STK3: variants seen among roughly 807,000 people sequenced by gnomAD.
STK3 encodes serine/threonine kinase 3.
In STK3, 41 loss-of-function variants were observed where a neutral mutation model predicts 58.0. The ratio of observed to expected loss-of-function variants is 0.71; its 90% CI spans 0.55 to 0.92. The LOEUF is 0.92. STK3 is among the 40% of genes least tolerant of loss of function. The pLI is 0.00. For missense variants in STK3, 479 were observed against 602.7 expected (o/e 0.79, Z 2.15); for synonymous variants, 170 against 191.0 (o/e 0.89, Z 0.91).
chr8:98,564,847 T>C lies in STK3; in HGVS notation c.948+14817A>G, dbSNP rs529659474. On this transcript the variant is annotated intron_variant, in intron 8 of 10. Transcript: ENST00000419617. Reference sequence around the variant, plus strand: ...GGGTCCTAAAACACAAAAAGAACATTAGGTAAAAACTAAGTAAATCTGAAA... The same window carrying C: ...GGGTCCTAAAACACAAAAAGAACATCAGGTAAAAACTAAGTAAATCTGAAA... Among the ~76,000 whole-genome samples, 24 of 152,186 alleles carry C rather than the reference T, an allele frequency of 1.6e-4. 1 individual carries two copies. The highest frequency in any genetic ancestry group is 3.4e-3 in the Middle Eastern group (1 of 294).
At chr8:98,576,733 C>T (rs1813422044) in intron 8 of STK3, among the ~76,000 whole-genome samples, 1 of 152,130 alleles carries the variant, frequency 6.6e-6, no homozygotes, top group Non-Finnish European at 1.5e-5. Context: ...GTGGTTGATG[C>T]TGTACCCTGA....
At chr8:98,614,549 G>C (rs1014282547) in intron 6 of STK3, among the ~76,000 whole-genome samples, 2 of 152,088 alleles carry the variant, frequency 1.3e-5, no homozygotes, top group Non-Finnish European at 2.9e-5. Flanking sequence ...CTGAGGTACC[G>C]GGTTCATCTC....
At chr8:98,832,000 C>G (rs1486491770) in intron 3 of STK3, among the ~76,000 whole-genome samples, 2 of 152,064 alleles carry the variant, frequency 1.3e-5, no homozygotes, top group African/African-American at 4.8e-5. Flanking sequence ...GGAGGTGTTT[C>G]TAGGTTTGAA....
chr8:98,408,374 T>A (rs183469798), intron 3 of STK3, among the ~76,000 whole-genome samples: 158 of 152,318 alleles, frequency 1.0e-3, no homozygotes, highest in Middle Eastern at 6.8e-3. Context: ...AAAAATGCAA[T>A]GGCTAAGATT....
At chr8:98,842,865 G>A (rs1411262563) in intron 3 of STK3, among the ~76,000 whole-genome samples, 4 of 151,862 alleles carry the variant, frequency 2.6e-5, no homozygotes, top group Non-Finnish European at 5.9e-5. Flanking sequence ...AAATTAGCTA[G>A]GCATGGTCCT....
At chr8:98,365,832 T>C in the STK3 span, among the ~76,000 whole-genome samples, 1 of 152,378 alleles carries the variant, frequency 6.6e-6, no homozygotes, top group East Asian at 1.9e-4. Context: ...TTGTGTATTC[T>C]AGATCTAGCT....
At position 98,762,981 on chromosome 8, in the gene STK3, T is replaced by C. The variant is rs533957410; in HGVS notation, c.236+4262A>G. Among the ~76,000 whole-genome samples the C allele has an allele frequency of 3.3e-5, 5 of 152,320 alleles. No individual in the cohort carries two copies. The East Asian group carries it at 9.6e-4, about 29-fold the overall frequency. ...GGGCAATTCATGTAAAAGCTCTAGG[T>C]CTCATTTTCTGTATCTGCAAAATTG... On this transcript the variant is annotated intron_variant, in intron 3 of 10. Coordinates refer to ENST00000419617, the MANE Select transcript of STK3 (RefSeq NM_006281.4).
At chr8:98,899,309 A>G (rs888725882) in intron 1 of STK3, among the ~76,000 whole-genome samples, 2 of 152,164 alleles carry the variant, frequency 1.3e-5, no homozygotes, top group Admixed American at 1.3e-4. Context: ...CAAAGTGCTT[A>G]ATATTAATAG....
intron 3 of STK3, among the ~76,000 whole-genome samples, chr8:98,870,403 T>C (rs1323391820): frequency 1.3e-5 from 2 of 152,212 alleles, no homozygotes; most frequent in East Asian, 1.9e-4. Context: ...TTCTACATCC[T>C]TCAGAAATCG....
At chr8:98,541,278 G>T (rs1354064133) in intron 9 of STK3, among the ~76,000 whole-genome samples, 3 of 152,160 alleles carry the variant, frequency 2.0e-5, no homozygotes, top group Admixed American at 2.0e-4. Flanking sequence ...CACGGGGGTA[G>T]TTTCTAACGG....
intron 10 of STK3, among the ~76,000 whole-genome samples, chr8:98,504,751 A>G (rs896037233): frequency 1.1e-4 from 17 of 152,310 alleles, no homozygotes; most frequent in African/African-American, 4.1e-4. Context: ...GTTTCTGCCC[A>G]GAGTTCCACT....
chr8:98,838,341 C>A (rs1176471487), intron 3 of STK3, among the ~76,000 whole-genome samples: 1 of 152,128 alleles, frequency 6.6e-6, no homozygotes, highest in South Asian at 2.1e-4. Flanking sequence ...CTTTCAATTT[C>A]TTTTTATTCC....
intron 3 of STK3, among the ~76,000 whole-genome samples, chr8:98,833,981 A>G (rs1835647660): frequency 6.6e-6 from 1 of 152,196 alleles, no homozygotes; most frequent in Non-Finnish European, 1.5e-5. Context: ...ACTGAGAAAA[A>G]AAAAACCTTT....
chr8:98,558,008 C>T (rs1018955052), intron 8 of STK3, among the ~76,000 whole-genome samples: 3 of 152,058 alleles, frequency 2.0e-5, no homozygotes, highest in African/African-American at 7.2e-5. Context: ...CAAAAGATTA[C>T]CTTACATCTC....
intron 6 of STK3, among the ~76,000 whole-genome samples, chr8:98,680,639 T>C (rs1823563005): frequency 1.3e-5 from 2 of 152,210 alleles, no homozygotes; most frequent in South Asian, 2.1e-4. Flanking sequence ...TTGGGATCTA[T>C]ACTAGAAAGT....
chr8:98,619,279 T>C (rs1484889893), intron 6 of STK3, among the ~76,000 whole-genome samples: 1 of 151,266 alleles, frequency 6.6e-6, no homozygotes, highest in Non-Finnish European at 1.5e-5. Context: ...AAGCTGAAAC[T>C]GGATCCCTTC....
rs536191391 is a variant in STK3 at position 98,373,665 on chromosome 8, T to A, written n.112-1987A>T. Among the ~76,000 whole-genome samples, 8 of 152,318 alleles carry A rather than the reference T, an allele frequency of 5.3e-5. No individual in the cohort carries two copies. The East Asian group carries it at 1.5e-3, about 29-fold the overall frequency. On this transcript the variant is annotated intron_variant and non_coding_transcript_variant, in intron 2 of 2. Coordinates refer to the STK3 transcript ENST00000518704. ...GACCATGTCGCTTCACCATGCTGCC[T>A]CACCGCTGGAGGAAGGTGGTAGAAA...
intron 7 of STK3, among the ~76,000 whole-genome samples, chr8:98,580,477 G>C (rs2131731136): frequency 6.6e-6 from 1 of 152,278 alleles, no homozygotes; most frequent in African/African-American, 2.4e-5. Flanking sequence ...AGGGACATGA[G>C]AGAAAGTAGA....
chr8:98,639,151 C>A (rs1247095215), intron 6 of STK3, among the ~76,000 whole-genome samples: 2 of 151,156 alleles, frequency 1.3e-5, no homozygotes, highest in Non-Finnish European at 2.9e-5. Context: ...ATTCTGTCAC[C>A]CACACTGGAA....
Sources: gnomAD v4.1 joint callset for allele counts (sites outside exome capture counted in the v4.1 genomes callset) on GRCh38, gnomAD v4.1.1 for gene constraint, MANE v1.5 for transcripts, NCBI Gene and HGNC (gene_info 2026-07-23, HGNC 2026-07-21) for gene names.